The following MCC variants were observed in gnomAD, a reference collection of about 807,000 sequenced individuals.
MCC encodes the protein MCC regulator of Wnt signaling pathway, also known as colorectal mutant cancer protein.
MCC carries 90 observed loss-of-function variants against 116.2 expected under a neutral mutation model. The ratio of observed to expected loss-of-function variants is 0.77; its 90% CI spans 0.65 to 0.92. The LOEUF (loss-of-function observed/expected upper bound fraction) is 0.92, where lower values mean the gene tolerates loss of function less well. Ranked by LOEUF, MCC falls within the 40% of genes least tolerant of loss-of-function variation. The pLI is 0.00. For missense variants in MCC, 1,516 were observed against 1,312.2 expected (o/e 1.16, Z -2.40); for synonymous variants, 578 against 510.5 (o/e 1.13, Z -1.78).
At position 113,176,240 on chromosome 5, in the gene MCC, A is replaced by AACAATAAGG. The variant is rs199797520; in HGVS notation, c.628-24827_628-24819dup. 7.9e-3 allele frequency among the ~76,000 whole-genome samples: 1,206 copies of AACAATAAGG among 152,306 alleles called. 20 individuals carry two copies. The highest frequency in any genetic ancestry group is 0.028 in the African/African-American group (1,158 of 41,556). Reference sequence around the variant, plus strand: ...ATGACATAAGAACAAGGGGGATCACAACAATAAGGTCATAAAGCTGCAATC... The same window carrying AACAATAAGG: ...ATGACATAAGAACAAGGGGGATCACAACAATAAGGACAATAAGGTCATAAAGCTGCAATC... On this transcript the variant is annotated intron_variant, in intron 3 of 18. Transcript: ENST00000408903.
At chr5:113,391,442 T>C (rs776451378) in intron 1 of MCC, among the ~76,000 whole-genome samples, 2 of 152,122 alleles carry the variant, frequency 1.3e-5, no homozygotes, top group Non-Finnish European at 2.9e-5. Flanking sequence ...GGGTTGGGCA[T>C]AGTGGTTCAT....
In MCC at chr5:113,028,253, G is replaced by C. The variant is rs1166503687; in HGVS notation, c.2879+681C>G. On this transcript the variant is annotated intron_variant, in intron 18 of 18. Transcript: ENST00000408903. ...TCTCAATATACATCCACATAATGTT[G>C]ACTACAGAAGCAAATGTGAGAACCT... Among the ~76,000 whole-genome samples the C allele has an allele frequency of 4.6e-5, 7 of 152,148 alleles. 1 individual carries two copies. The highest frequency in any genetic ancestry group is 4.1e-4 in the South Asian group (2 of 4,824).
intron 3 of MCC, among the ~76,000 whole-genome samples, chr5:113,331,021 T>C (rs1335082902): frequency 1.3e-5 from 2 of 152,174 alleles, no homozygotes; most frequent in Admixed American, 1.3e-4. Context: ...ATTTCACAAC[T>C]AGTGTGGCAT....
At chr5:113,080,141 A>G (rs899514678) in intron 11 of MCC, among the ~76,000 whole-genome samples, 1 of 152,230 alleles carries the variant, frequency 6.6e-6, no homozygotes, top group Non-Finnish European at 1.5e-5. Context: ...ATCATTAAAA[A>G]GTCAGGAAAC....
chr5:113,053,874 T>C lies in MCC; in HGVS notation c.2299A>G (p.Lys767Glu). 6.2e-7 allele frequency: 1 copy of C among 1,614,174 alleles called. No homozygotes were observed. The highest frequency in any genetic ancestry group is 8.5e-7 in the Non-Finnish European group (1 of 1,180,012). ...QRLKDYIQQLKNDRAAVKLTM... is the reference protein window; with the variant it reads ...QRLKDYIQQLENDRAAVKLTM... The stretch of plus-strand genomic sequence containing the variant: ...AGCTTGACCGCAGCCCTGTCATTCT[T>C]GAGCTGCTGGATATAATCCTTCAGC... The change falls in exon 15 of 19, where the codon AAG (lysine) becomes GAG (glutamate). Residue 767 changes from lysine (K) to glutamate (E), a missense_variant. By Grantham distance (56) the Lys-to-Glu change is moderately conservative (BLOSUM62 1). Transcript: ENST00000408903.
chr5:113,335,510 A>G (rs918618695), intron 3 of MCC, among the ~76,000 whole-genome samples: 11 of 151,754 alleles, frequency 7.2e-5, no homozygotes, highest in South Asian at 6.2e-4. Flanking sequence ...GTTACGTTTT[A>G]TGTTTTAGAA....
chr5:113,328,353 G>A (rs188691799), intron 3 of MCC, among the ~76,000 whole-genome samples: 1 of 152,292 alleles, frequency 6.6e-6, no homozygotes, highest in East Asian at 1.9e-4. Flanking sequence ...CTAGGGAAAG[G>A]TTTTGCCCTG....
intron 1 of MCC, among the ~76,000 whole-genome samples, chr5:113,428,400 G>A (rs1269406116): frequency 2.0e-5 from 3 of 152,178 alleles, no homozygotes; most frequent in African/African-American, 7.2e-5. Context: ...GCTGCAGAAG[G>A]CTTATGACTG....
At chr5:113,350,903 A>G (rs1768250981) in intron 2 of MCC, among the ~76,000 whole-genome samples, 1 of 152,150 alleles carries the variant, frequency 6.6e-6, no homozygotes, top group Non-Finnish European at 1.5e-5. Flanking sequence ...TCTTAAAAGA[A>G]GACATAAATA....
chr5:113,101,176 G>C (rs1046706314), intron 8 of MCC, among the ~76,000 whole-genome samples: 2 of 152,014 alleles, frequency 1.3e-5, no homozygotes, highest in African/African-American at 2.4e-5. Context: ...TGTAAACACA[G>C]AGACACACAC....
chr5:113,403,128 T>C (rs1769738881), intron 1 of MCC, among the ~76,000 whole-genome samples: 1 of 152,136 alleles, frequency 6.6e-6, no homozygotes, highest in South Asian at 2.1e-4. Context: ...AGTAGCACTG[T>C]TCTAGATGTC....
At chr5:113,310,324 T>G (rs889168388) in intron 3 of MCC, among the ~76,000 whole-genome samples, 3 of 152,234 alleles carry the variant, frequency 2.0e-5, no homozygotes, top group Non-Finnish European at 2.9e-5. Flanking sequence ...CCAGAGGAGA[T>G]AGCAACAGGG....
chr5:113,092,088 C>G (rs1755685064), intron 8 of MCC, among the ~76,000 whole-genome samples: 2 of 152,094 alleles, frequency 1.3e-5, no homozygotes, highest in Admixed American at 1.3e-4. Flanking sequence ...AATCTAATGC[C>G]TACTTAGAAT....
At chr5:113,248,745 T>A (rs146467075) in intron 3 of MCC, among the ~76,000 whole-genome samples, 1 of 152,058 alleles carries the variant, frequency 6.6e-6, no homozygotes, top group Admixed American at 6.5e-5. Flanking sequence ...GGTTTTGATA[T>A]AAGATTCCCC....
At chr5:113,406,753 C>T (rs780389439) in intron 1 of MCC, among the ~76,000 whole-genome samples, 12 of 152,126 alleles carry the variant, frequency 7.9e-5, no homozygotes, top group Admixed American at 2.0e-4. Flanking sequence ...TAAAGTTACA[C>T]GCACCTTACA....
At chr5:113,309,607 G>A (rs1767088345) in intron 3 of MCC, among the ~76,000 whole-genome samples, 1 of 152,034 alleles carries the variant, frequency 6.6e-6, no homozygotes, top group Non-Finnish European at 1.5e-5. Context: ...CACACACCAT[G>A]TTTTCTTTAC....
intron 6 of MCC, among the ~76,000 whole-genome samples, chr5:113,120,545 G>C (rs1016118517): frequency 3.3e-5 from 5 of 152,280 alleles, no homozygotes; most frequent in African/African-American, 1.2e-4. Flanking sequence ...TTGGCTGGCT[G>C]ACTGGTGGAT....
At chr5:113,198,105 G>A (rs961269146) in intron 3 of MCC, among the ~76,000 whole-genome samples, 2 of 152,224 alleles carry the variant, frequency 1.3e-5, no homozygotes, top group African/African-American at 4.8e-5. Context: ...GTCATACTAT[G>A]TATAAGTCTA....
chr5:113,169,112 G>C (rs546001203), intron 3 of MCC, among the ~76,000 whole-genome samples: 1 of 152,114 alleles, frequency 6.6e-6, no homozygotes, highest in Non-Finnish European at 1.5e-5. Flanking sequence ...CCTGCCCTCT[G>C]TCCTAGGAAG....
Sources: allele counts gnomAD v4.1 joint callset (sites outside exome capture counted in the v4.1 genomes callset), GRCh38; gene constraint gnomAD v4.1.1; transcripts MANE v1.5; gene names NCBI Gene and HGNC (gene_info 2026-07-23, HGNC 2026-07-21).